Variants in CDC16 observed in about 807,000 individuals in gnomAD.
CDC16 encodes cell division cycle 16.
CDC16 carries 34 observed loss-of-function variants against 87.0 expected under a neutral mutation model. The observed-to-expected ratio is 0.39, with a 90% CI of 0.30 to 0.52. The LOEUF (loss-of-function observed/expected upper bound fraction) is 0.52. Ranked by LOEUF, CDC16 falls within the 20% of genes least tolerant of loss-of-function variation. The probability of loss-of-function intolerance (pLI) is 0.74; values close to 1 mark genes in which losing one functional copy is unlikely to be tolerated. For synonymous variants in CDC16, 263 were observed against 260.6 expected, an observed-to-expected ratio of 1.01 and a Z score of -0.09; for missense variants, 653 against 751.9, an observed-to-expected ratio of 0.87 and a Z score of 1.54.
intron 9 of CDC16, 95 bp from the exon 10 acceptor site, chr13:114,245,905 G>A (rs1283196592): frequency 8.6e-6 from 6 of 696,834 alleles, no homozygotes; most frequent in South Asian, 1.7e-5. Flanking sequence ...TGCTGTAAGA[G>A]CAGAATTATA....
At position 114,263,034 on chromosome 13, in the gene CDC16, C is replaced by T. The variant is rs1369946193; in HGVS notation, c.1512+20C>T. On this transcript the variant is annotated intron_variant, in intron 16 of 17. Coordinates refer to ENST00000356221, the MANE Select transcript of CDC16 (RefSeq NM_001078645.3). ...CACACAGTATGTCTTTTCTTTGTACCTAATTTTAAATCTGGTTAACATTGA... is the reference window on the plus strand; with the variant it reads ...CACACAGTATGTCTTTTCTTTGTACTTAATTTTAAATCTGGTTAACATTGA... 9 of 1,608,914 alleles carry T rather than the reference C, an allele frequency of 5.6e-6. No homozygotes were observed. Among genetic ancestry groups the T allele is most frequent in the Non-Finnish European group, 7.7e-6 (9 of 1,175,568 alleles).
rs1280981998 is a variant in CDC16, at chr13:114,272,467, A to G, written c.*24A>G. On this transcript the variant is annotated 3_prime_UTR_variant, in exon 18 of 18. Transcript: ENST00000356221. Reference sequence around the variant, plus strand: ...GACTCCAGTCAGTGGTCCTGGTCCCACTGTCCCAGTGTAGGTTAGTATTCC... The same window carrying G: ...GACTCCAGTCAGTGGTCCTGGTCCCGCTGTCCCAGTGTAGGTTAGTATTCC... The G allele has an allele frequency of 2.5e-6, 4 of 1,607,552 alleles. No individual in the cohort carries two copies. In the East Asian group the frequency reaches 6.7e-5, roughly 27 times the overall value.
At chr13:114,236,947 C>A in intron 3 of CDC16, 51 bp downstream of exon 3, 1 of 1,253,646 alleles carries the variant, frequency 8.0e-7, no homozygotes, top group Non-Finnish European at 1.1e-6. Context: ...AAAAAAATGT[C>A]ATTAGTGGCC....
intron 14 of CDC16, among the ~76,000 whole-genome samples, chr13:114,261,523 G>A (rs959707390): frequency 6.6e-6 from 1 of 151,912 alleles, no homozygotes; most frequent in Non-Finnish European, 1.5e-5. Flanking sequence ...GGAGAGATGG[G>A]TGTGGTGTGT....
chr13:114,238,668 C>T (rs1322519587), intron 3 of CDC16, among the ~76,000 whole-genome samples: 1 of 152,240 alleles, frequency 6.6e-6, no homozygotes, highest in African/African-American at 2.4e-5. Context: ...GCCTCACTTA[C>T]TCGCTCTCCT....
chr13:114,243,428 G>T, intron 7 of CDC16, 80 bp downstream of exon 7: 6 of 686,614 alleles, frequency 8.7e-6, no homozygotes, highest in East Asian at 2.7e-5. Context: ...CTTATATTAA[G>T]TTTTCAAAAT....
Position 114,262,805 on chromosome 13 carries a change from A to G in CDC16, c.1377-74A>G, listed in dbSNP as rs2082935150. 5 of 1,485,200 alleles carry G rather than the reference A, an allele frequency of 3.4e-6. No individual in the cohort carries two copies. The Admixed American group carries it at 5.1e-5, about 15-fold the overall frequency. The allele number at this position is 1,485,200 out of a possible 1,614,324, so 92.0% of individuals were successfully genotyped here. ...GAGACAGCGTTTCTTGGGTGTTGAT[A>G]TGGATGGTTGCTCATCTTAGACTTA... On this transcript the variant is annotated intron_variant, in intron 15 of 17. Coordinates refer to ENST00000356221, the MANE Select transcript of CDC16 (RefSeq NM_001078645.3).
rs1411110541 is a variant in CDC16 at position 114,239,431 on chromosome 13, T to C, written c.322T>C (p.Leu108=). ...PINKRLFEKY[L]KDESGFKDPS... is the part of the protein sequence containing the mutation. ...CAATAAAAGATTATTTGAAAAATAC[T>C]TGAAGGACGAAAGTGGCTTCAAAGA... The change falls in exon 5 of 18, where the codon TTG becomes CTG. Residue 108 remains leucine, a synonymous_variant. Coordinates refer to ENST00000356221, the MANE Select transcript of CDC16 (RefSeq NM_001078645.3). 2 of 1,613,446 alleles carry C rather than the reference T, an allele frequency of 1.2e-6. No individual in the cohort carries two copies. The highest frequency in any genetic ancestry group is 4.5e-5 in the East Asian group (2 of 44,882).
chr13:114,247,104 A>G, intron 11 of CDC16, 100 bp downstream of exon 11: 1 of 732,752 alleles, frequency 1.4e-6, no homozygotes, highest in South Asian at 1.6e-5. Flanking sequence ...AAGCAATGTG[A>G]AAGAATAAAT....
intron 14 of CDC16, among the ~76,000 whole-genome samples, chr13:114,259,805 A>G (rs2082730460): frequency 1.3e-5 from 2 of 152,354 alleles, no homozygotes; most frequent in South Asian, 4.1e-4. Flanking sequence ...CACTTCTGAA[A>G]GGATAGGGAT....
Position 114,242,174 on chromosome 13 carries a change from C to G in CDC16, c.435C>G (p.Asn145Lys), listed in dbSNP as rs2081586011. 1 of 1,613,830 alleles carries G rather than the reference C, an allele frequency of 6.2e-7. No individual in the cohort carries two copies. Residue 145 changes from asparagine (N) to lysine (K), a missense_variant, in exon 6 of 18, where the codon AAC becomes AAG. By Grantham distance (94) the Asn-to-Lys change is moderately conservative. Coordinates refer to ENST00000356221, the MANE Select transcript of CDC16 (RefSeq NM_001078645.3). ...LRGKIYDALDNRTLATYSYKE... is the reference protein window; with the variant it reads ...LRGKIYDALDKRTLATYSYKE... Reference sequence around the variant, plus strand: ...GGAAAATCTATGATGCTCTAGATAACCGAACCCTGGCTACCTACAGCTACA... The same window carrying G: ...GGAAAATCTATGATGCTCTAGATAAGCGAACCCTGGCTACCTACAGCTACA...
chr13:114,247,091 T>G, intron 11 of CDC16, 87 bp downstream of exon 11: 1 of 777,144 alleles, frequency 1.3e-6, no homozygotes, highest in Non-Finnish European at 2.2e-6. Context: ...GTGAGTACTT[T>G]AAAAGCAATG....
At chr13:114,252,101 C>T (rs1234153279) in intron 12 of CDC16, among the ~76,000 whole-genome samples, 2 of 150,218 alleles carry the variant, frequency 1.3e-5, no homozygotes, top group East Asian at 4.0e-4. Flanking sequence ...GGATAAGAGC[C>T]CTACACTAGC....
intron 17 of CDC16, among the ~76,000 whole-genome samples, chr13:114,270,899 G>A (rs1566695633): frequency 1.3e-5 from 2 of 150,212 alleles, no homozygotes; most frequent in South Asian, 2.1e-4. Context: ...CCTTGACCTC[G>A]CAGAAGAGAT....
intron 12 of CDC16, among the ~76,000 whole-genome samples, chr13:114,255,698 A>G (rs1340226836): frequency 6.6e-6 from 1 of 152,192 alleles, no homozygotes; most frequent in East Asian, 1.9e-4. Context: ...GCTGGAGTGC[A>G]GTGGCACCAT....
intron 17 of CDC16, among the ~76,000 whole-genome samples, chr13:114,268,487 G>A (rs893070989): frequency 3.3e-5 from 5 of 152,168 alleles, no homozygotes; most frequent in Non-Finnish European, 5.9e-5. Flanking sequence ...TAGGGGTTTC[G>A]TGTTGGTTAC....
intron 17 of CDC16, among the ~76,000 whole-genome samples, chr13:114,266,680 T>G (rs112356714): frequency 1.3e-5 from 2 of 152,060 alleles, no homozygotes; most frequent in Non-Finnish European, 2.9e-5. Context: ...ATCTCAAATT[T>G]TATTAATATT....
At chr13:114,266,836 C>T (rs2083252552) in intron 17 of CDC16, among the ~76,000 whole-genome samples, 1 of 152,064 alleles carries the variant, frequency 6.6e-6, no homozygotes, top group Non-Finnish European at 1.5e-5. Context: ...GCTGGGACTA[C>T]AGGCACCCAT....
chr13:114,264,999 C>T, intron 16 of CDC16, 151 bp from the exon 17 acceptor site: 3 of 625,392 alleles, frequency 4.8e-6, no homozygotes, highest in Non-Finnish European at 8.8e-6. Flanking sequence ...CCATAACCAA[C>T]TTCAACAATC....
Sources: allele counts gnomAD v4.1 joint callset (sites outside exome capture counted in the v4.1 genomes callset), GRCh38; gene constraint gnomAD v4.1.1; transcripts MANE v1.5; gene names NCBI Gene and HGNC (gene_info 2026-07-23, HGNC 2026-07-21).